The following MGST1 variants were observed in gnomAD, a reference collection of about 807,000 sequenced individuals.
MGST1 encodes the protein glutathione S-transferase 12.
A neutral mutation model predicts 8.9 loss-of-function variants in MGST1; 5 were observed. The observed-to-expected ratio is 0.56, with a 90% CI of 0.29 to 1.19. The LOEUF (loss-of-function observed/expected upper bound fraction) is 1.19, where lower values mean the gene tolerates loss of function less well. Ranked by LOEUF, MGST1 falls within the 50% of genes most tolerant of loss-of-function variation. The pLI, the probability that MGST1 is intolerant of heterozygous loss-of-function variation, is 0.08. For missense variants in MGST1, 182 were observed against 187.4 expected, an observed-to-expected ratio of 0.97 and a Z score of 0.17; for synonymous variants, 54 against 67.8, an observed-to-expected ratio of 0.80 and a Z score of 1.00.
chr12:16,554,233 A>G (rs1942101259), intron 4 of MGST1, among the ~76,000 whole-genome samples: 1 of 152,218 alleles, frequency 6.6e-6, no homozygotes, highest in African/African-American at 2.4e-5. Flanking sequence ...TAAGCAGGTT[A>G]TCAAAAGCCT....
intron 4 of MGST1, among the ~76,000 whole-genome samples, chr12:16,494,736 T>G (rs1565464449): frequency 6.6e-6 from 1 of 152,124 alleles, no homozygotes; most frequent in Admixed American, 6.6e-5. Flanking sequence ...CCAAGTAGGC[T>G]TAAAAATTCC....
At chr12:16,475,192 A>G (rs1941313423) in intron 4 of MGST1, among the ~76,000 whole-genome samples, 1 of 152,230 alleles carries the variant, frequency 6.6e-6, no homozygotes, top group South Asian at 2.1e-4. Flanking sequence ...AAGGCCCAGC[A>G]TATACATGAG....
intron 4 of MGST1, among the ~76,000 whole-genome samples, chr12:16,509,505 C>G (rs1268982642): frequency 1.3e-5 from 2 of 152,170 alleles, no homozygotes; most frequent in East Asian, 3.9e-4. Flanking sequence ...AACTAGGGAA[C>G]TAGAAGACTA....
chr12:16,541,273 C>T (rs898530267), intron 4 of MGST1, among the ~76,000 whole-genome samples: 2 of 151,514 alleles, frequency 1.3e-5, no homozygotes, highest in African/African-American at 4.9e-5. Context: ...AGAGGAAAAA[C>T]TTCATAGATT....
At chr12:16,415,776 T>C (rs925007393) in intron 1 of MGST1, among the ~76,000 whole-genome samples, 1 of 152,158 alleles carries the variant, frequency 6.6e-6, no homozygotes, top group Non-Finnish European at 1.5e-5. Flanking sequence ...ACTGTGTGTA[T>C]GTGGAGGGTT....
intron 1 of MGST1, chr12:16,399,142 G>T: frequency 1.2e-6 from 1 of 853,462 alleles, no homozygotes; most frequent in Non-Finnish European, 1.8e-6. Context: ...CCACATAAAT[G>T]GCCCCCGAAA....
intron 4 of MGST1, among the ~76,000 whole-genome samples, chr12:16,510,339 AAAAG>A (rs1482472549): frequency 2.6e-5 from 4 of 152,204 alleles, no homozygotes; most frequent in African/African-American, 7.2e-5. Flanking sequence ...AAAGGAGAGA[AAAAG>A]AAAGGAGGAA....
intron 4 of MGST1, among the ~76,000 whole-genome samples, chr12:16,527,732 GA>G (rs1941696389): frequency 1.3e-5 from 2 of 151,906 alleles, no homozygotes; most frequent in Non-Finnish European, 2.9e-5. Flanking sequence ...AAGTCATCAG[GA>G]AGCCATATCC....
At position 16,482,647 on chromosome 12, in the gene MGST1, G is replaced by A. The variant is rs78421455; in HGVS notation, n.482+99043G>A. On this transcript the variant is annotated intron_variant and non_coding_transcript_variant, in intron 4 of 4. Transcript: ENST00000538857. The surrounding 1 kb of genome is among the most constrained non-coding windows in gnomAD (Gnocchi z 4.2). The stretch of plus-strand genomic sequence containing the variant: ...CTCTGTCTGGAAGAAAAAAAAAAAA[G>A]AGTGAGAACATGTAAAAATGCAAGA... 2.1e-5 allele frequency among the ~76,000 whole-genome samples: 3 copies of A among 143,768 alleles called. No individual in the cohort carries two copies. In the Admixed American group the frequency reaches 2.1e-4, roughly 10 times the overall value. 94.3% of individuals were successfully genotyped at this position (143,768 alleles called of 152,430 possible). A position where few individuals can be genotyped will look rare whatever the true frequency, so the allele number is the denominator to read the frequency against.
intron 1 of MGST1, among the ~76,000 whole-genome samples, chr12:16,416,994 A>T (rs950690029): frequency 6.6e-6 from 1 of 152,144 alleles, no homozygotes; most frequent in African/African-American, 2.4e-5. Context: ...TTAGCCTTCA[A>T]TTCCTGTATG....
chr12:16,566,782 A>G (rs1009670045), intron 4 of MGST1, among the ~76,000 whole-genome samples: 1 of 152,224 alleles, frequency 6.6e-6, no homozygotes, highest in African/African-American at 2.4e-5. Flanking sequence ...ATATACATGT[A>G]TAGTACATAT....
rs1167716111 is a variant in MGST1, at chr12:16,544,263, C to CACAA, written n.483-45264_483-45263insCAAA. 3.4e-5 allele frequency among the ~76,000 whole-genome samples: 5 copies of CACAA among 147,606 alleles called. No homozygotes were observed. The highest frequency in any genetic ancestry group is 4.3e-4 in the East Asian group (2 of 4,678). On this transcript the variant is annotated intron_variant and non_coding_transcript_variant, in intron 4 of 4. Transcript: ENST00000538857. This position sits in a 1 kb window ranked among gnomAD's most constrained non-coding sequence, Gnocchi z 4.8. ...ACACACACACACACACACACACACA[C>CACAA]AAAACATAACCTACTAGTCAATCTG... is the stretch of plus-strand genomic sequence containing the variant.
chr12:16,557,621 T>G (rs1022332926), intron 4 of MGST1, among the ~76,000 whole-genome samples: 29 of 152,182 alleles, frequency 1.9e-4, no homozygotes, highest in Non-Finnish European at 1.6e-4. Context: ...GAAACTCTAT[T>G]GTGATATATG....
intron 1 of MGST1, chr12:16,400,069 A>G (rs1940641301): frequency 6.3e-7 from 1 of 1,584,720 alleles, no homozygotes; most frequent in Non-Finnish European, 8.7e-7. Flanking sequence ...TAGAGCCTCT[A>G]CTTTCTCCAT....
At chr12:16,474,987 T>C (rs570821597) in intron 4 of MGST1, among the ~76,000 whole-genome samples, 1 of 152,282 alleles carries the variant, frequency 6.6e-6, no homozygotes, top group Non-Finnish European at 1.5e-5. Context: ...TGCAGTAGGC[T>C]AATGCACCAT....
Position 16,560,347 on chromosome 12 carries a change from T to C in MGST1, n.483-29181T>C. 1 of 1,506,288 alleles carries C rather than the reference T, an allele frequency of 6.6e-7. No homozygotes were observed. The allele number at this position is 1,506,288 out of a possible 1,614,324, so 93.3% of individuals were successfully genotyped here. ...TAAATGTATGAATATAATTTCCACCTATTAAATAAATAGCCAGCACAGAGA... is the reference window on the plus strand; with the variant it reads ...TAAATGTATGAATATAATTTCCACCCATTAAATAAATAGCCAGCACAGAGA... On this transcript the variant is annotated intron_variant and non_coding_transcript_variant, in intron 4 of 4. Coordinates refer to the MGST1 transcript ENST00000538857. This position sits in a 1 kb window ranked among gnomAD's most constrained non-coding sequence, Gnocchi z 5.0.
At chr12:16,407,490 T>G (rs1940705552) in intron 1 of MGST1, among the ~76,000 whole-genome samples, 1 of 152,162 alleles carries the variant, frequency 6.6e-6, no homozygotes, top group Non-Finnish European at 1.5e-5. Flanking sequence ...TCAACCATTG[T>G]GGAAAGCAGT....
intron 4 of MGST1, among the ~76,000 whole-genome samples, chr12:16,466,208 G>T (rs1290969869): frequency 6.6e-6 from 1 of 152,156 alleles, no homozygotes; most frequent in African/African-American, 2.4e-5. Context: ...TAGTCCCATG[G>T]CTGTACTGAG....
chr12:16,471,144 G>A (rs1054504157), intron 4 of MGST1, among the ~76,000 whole-genome samples: 1 of 152,162 alleles, frequency 6.6e-6, no homozygotes, highest in Non-Finnish European at 1.5e-5. Context: ...CGTAATGGAA[G>A]AGCGGACTTA....
Sources: gnomAD v4.1 joint callset for allele counts (sites outside exome capture counted in the v4.1 genomes callset) on GRCh38, gnomAD v4.1.1 for gene constraint, Gnocchi (gnomAD v3.1) non-coding constraint, MANE v1.5 for transcripts, NCBI Gene and HGNC (gene_info 2026-07-23, HGNC 2026-07-21) for gene names.